PCYT1B: variants seen among roughly 807,000 people sequenced by gnomAD.
The protein encoded by PCYT1B is choline-phosphate cytidylyltransferase B.
A neutral mutation model predicts 26.4 loss-of-function variants in PCYT1B; 10 were observed. That is an observed-to-expected ratio of 0.38 (90% CI 0.23 to 0.64). The LOEUF is 0.64. Among genes scored for constraint, PCYT1B ranks in the 30% least tolerant of loss-of-function variants. The probability of loss-of-function intolerance (pLI) is 0.56; values close to 1 mark genes in which losing one functional copy is unlikely to be tolerated. For missense variants in PCYT1B, 161 were observed against 292.7 expected (o/e 0.55, Z 3.28); for synonymous variants, 131 against 108.4 (o/e 1.21, Z -1.29).
chrX:24,671,227 C>T (rs1927248154), intron 1 of PCYT1B, among the ~76,000 whole-genome samples: 2 of 111,021 alleles, frequency 1.8e-5, no homozygotes, highest in Non-Finnish European at 3.8e-5. Context: ...GCCTAGGTCT[C>T]CCAAAGTGCT....
chrX:24,646,936 A>T, intron 1 of PCYT1B, 53 bp downstream of exon 1: 1 of 999,126 alleles, frequency 1.0e-6, no homozygotes, highest in East Asian at 3.1e-5. Context: ...GCGCATAAGG[A>T]ACTCTTTTAT....
chrX:24,664,548 C>A (rs1387731953), intron 1 of PCYT1B, among the ~76,000 whole-genome samples: 1 of 112,259 alleles, frequency 8.9e-6, no homozygotes, highest in Non-Finnish European at 1.9e-5. Context: ...AAAGGACGTA[C>A]CATCTCCTGA....
At chrX:24,616,291 G>A (rs1925494105) in intron 2 of PCYT1B, among the ~76,000 whole-genome samples, 1 of 99,099 alleles carries the variant, frequency 1.0e-5, no homozygotes, top group Non-Finnish European at 2.0e-5. Flanking sequence ...AGGCTGGAGT[G>A]CAGTGGTGCG....
intron 3 of PCYT1B, among the ~76,000 whole-genome samples, chrX:24,601,354 G>A (rs1602171871): frequency 9.0e-6 from 1 of 111,113 alleles, no homozygotes; most frequent in Admixed American, 9.6e-5. Flanking sequence ...TTAGCCAGGT[G>A]TGATGGCACA....
At chrX:24,581,293 C>T (rs1924197439) in intron 5 of PCYT1B, among the ~76,000 whole-genome samples, 1 of 111,389 alleles carries the variant, frequency 9.0e-6, no homozygotes, top group East Asian at 2.9e-4. Flanking sequence ...TATCTCAGAC[C>T]CTCTCCCTTT....
At chrX:24,592,904 C>T (rs1004606216) in intron 3 of PCYT1B, among the ~76,000 whole-genome samples, 2 of 111,808 alleles carry the variant, frequency 1.8e-5, no homozygotes, top group Non-Finnish European at 3.8e-5. Flanking sequence ...TTTCCCCCTA[C>T]CCTCTTCTTT....
At chrX:24,586,787 A>G (rs1924385015) in intron 5 of PCYT1B, among the ~76,000 whole-genome samples, 1 of 111,744 alleles carries the variant, frequency 8.9e-6, no homozygotes, top group African/African-American at 3.3e-5. Flanking sequence ...CTAACATGTG[A>G]CAAGATGACA....
At chrX:24,598,666 CTTA>C (rs1478141309) in intron 3 of PCYT1B, among the ~76,000 whole-genome samples, 1 of 111,789 alleles carries the variant, frequency 8.9e-6, no homozygotes, top group Admixed American at 9.6e-5. Flanking sequence ...TTGTTTATAA[CTTA>C]TTATATTAGA....
intron 2 of PCYT1B, among the ~76,000 whole-genome samples, chrX:24,612,231 T>C (rs182505181): frequency 8.9e-6 from 1 of 112,441 alleles, no homozygotes; most frequent in African/African-American, 3.2e-5. Flanking sequence ...CTGAGTGAGC[T>C]TGGAAGCAGA....
At chrX:24,571,028 C>A in intron 7 of PCYT1B, among the ~76,000 whole-genome samples, 1 of 112,173 alleles carries the variant, frequency 8.9e-6, no homozygotes, top group Middle Eastern at 4.6e-3. Context: ...TGTGAGACCA[C>A]GGGAAAGTTT....
rs1315513871 is a variant in PCYT1B, at chrX:24,560,700, G to C, written c.*1593C>G. On this transcript the variant is annotated 3_prime_UTR_variant, in exon 8 of 8. Coordinates refer to ENST00000379144, the MANE Select transcript of PCYT1B (RefSeq NM_004845.5). ...GCCTTCCTTCACTGGTTGTCCCCTT[G>C]TCACCTAGAAGGCTGGTTCCCAAGG... The C allele has an allele frequency of 8.9e-6, 1 of 111,754 alleles. No individual in the cohort carries two copies. The highest frequency in any genetic ancestry group is 1.9e-5 in the Non-Finnish European group (1 of 53,116). The allele number at this position is 111,754 out of a possible 1,213,427, so 9.2% of individuals were successfully genotyped here. A position where few individuals can be genotyped will look rare whatever the true frequency, so the allele number is the denominator to read the frequency against.
intron 2 of PCYT1B, among the ~76,000 whole-genome samples, chrX:24,618,423 G>A (rs1481353312): frequency 9.0e-6 from 1 of 111,453 alleles, no homozygotes; most frequent in Non-Finnish European, 1.9e-5. Context: ...ACTTGCCCAA[G>A]GCTGTAGAAC....
At chrX:24,575,643 T>C (rs1343967644) in intron 6 of PCYT1B, among the ~76,000 whole-genome samples, 1 of 112,713 alleles carries the variant, frequency 8.9e-6, no homozygotes, top group African/African-American at 3.2e-5. Flanking sequence ...TGTGCATAGA[T>C]ATTGGGCAAA....
rs1441995845 is a variant in PCYT1B, at chrX:24,671,768, C to G, written c.63+802G>C. Among the ~76,000 whole-genome samples, 8 of 111,508 alleles carry G rather than the reference C, an allele frequency of 7.2e-5. No homozygotes were observed. In the Admixed American group the frequency reaches 7.7e-4, roughly 11 times the overall value. On this transcript the variant is annotated intron_variant, in intron 1 of 7. Coordinates refer to the PCYT1B transcript ENST00000379145. ...CTTCTTCACATCATCTGGGGTCCTT[C>G]TTAACACTTTGTCCCACTGCCTAAA...
intron 2 of PCYT1B, among the ~76,000 whole-genome samples, chrX:24,615,773 A>G (rs1925470848): frequency 8.9e-6 from 1 of 111,970 alleles, no homozygotes; most frequent in Non-Finnish European, 1.9e-5. Context: ...TGCAACAAGT[A>G]TTTCTCTAGA....
intron 1 of PCYT1B, among the ~76,000 whole-genome samples, chrX:24,666,467 G>A (rs1033413980): frequency 1.8e-5 from 2 of 111,817 alleles, no homozygotes; most frequent in African/African-American, 6.5e-5. Context: ...TTATCATTAA[G>A]TTATTCTATA....
chrX:24,625,941 C>T (rs759934956), intron 1 of PCYT1B, among the ~76,000 whole-genome samples: 5 of 107,786 alleles, frequency 4.6e-5, no homozygotes, highest in African/African-American at 1.0e-4. Flanking sequence ...TGGTGAAACC[C>T]TATTTCTACT....
At chrX:24,608,730 C>T (rs1020845966) in intron 2 of PCYT1B, among the ~76,000 whole-genome samples, 1 of 111,691 alleles carries the variant, frequency 9.0e-6, no homozygotes, top group African/African-American at 3.3e-5. Context: ...ACCAGGATAA[C>T]ACTATTGCTC....
intron 2 of PCYT1B, among the ~76,000 whole-genome samples, chrX:24,616,009 C>T (rs1215927598): frequency 9.0e-6 from 1 of 111,455 alleles, no homozygotes; most frequent in African/African-American, 3.3e-5. Context: ...TTCAGTTCTG[C>T]AAGTCTCCTT....
Sources: allele counts gnomAD v4.1 joint callset (sites outside exome capture counted in the v4.1 genomes callset), GRCh38; gene constraint gnomAD v4.1.1; transcripts MANE v1.5; gene names NCBI Gene and HGNC (gene_info 2026-07-23, HGNC 2026-07-21).